Variants in RANGAP1 observed in about 807,000 individuals in gnomAD.
The protein encoded by RANGAP1 is Ran GTPase activating protein 1.
In RANGAP1, 38 loss-of-function variants were observed where a neutral mutation model predicts 63.5. That is an observed-to-expected ratio of 0.60 (90% CI 0.46 to 0.78). The LOEUF is 0.78. Among genes scored for constraint, RANGAP1 ranks in the 30% least tolerant of loss-of-function variants. The pLI is 0.00. For synonymous variants in RANGAP1, 329 were observed against 310.5 expected (o/e 1.06, Z -0.63); for missense variants, 630 against 740.3 (o/e 0.85, Z 1.73).
At chr22:41,276,651 A>G (rs1378491420) in intron 2 of RANGAP1, among the ~76,000 whole-genome samples, 1 of 151,778 alleles carries the variant, frequency 6.6e-6, no homozygotes, top group Non-Finnish European at 1.5e-5. Flanking sequence ...AAAAACAAAC[A>G]AAACAAAATG....
intron 5 of RANGAP1, among the ~76,000 whole-genome samples, chr22:41,264,048 G>A (rs1051473847): frequency 1.3e-5 from 2 of 152,222 alleles, no homozygotes; most frequent in South Asian, 2.1e-4. Flanking sequence ...TCTCCCTTTG[G>A]TTAGAAAGTG....
In RANGAP1 at chr22:41,264,758, A is replaced by G. The variant is rs752274521; in HGVS notation, c.386T>C (p.Val129Ala). The G allele has an allele frequency of 2.5e-6, 4 of 1,614,122 alleles. No individual in the cohort carries two copies. The South Asian group carries it at 4.4e-5, about 18-fold the overall frequency. ...LSDNAFGPDG[V>A]QGFEALLKSS... ...CTTGAGCAGGGCCTCGAAGCCTTGC[A>G]CACCGTCGGGCCCGAATGCGTTGTC... Residue 129 changes from valine (V) to alanine (A), a missense_variant, in exon 5 of 16, where the codon GTG (valine) becomes GCG (alanine). Physicochemically the swap from Val to Ala is moderately conservative, Grantham distance 64. Coordinates refer to ENST00000356244, the MANE Select transcript of RANGAP1 (RefSeq NM_002883.4).
At chr22:41,253,242 C>T (rs1293425953) in intron 11 of RANGAP1, among the ~76,000 whole-genome samples, 1 of 152,150 alleles carries the variant, frequency 6.6e-6, no homozygotes, top group African/African-American at 2.4e-5. Flanking sequence ...ACTCAAAAAA[C>T]CTGCTACGGC....
intron 4 of RANGAP1, among the ~76,000 whole-genome samples, chr22:41,265,279 T>C (rs549715839): frequency 3.5e-4 from 54 of 152,248 alleles, no homozygotes; most frequent in African/African-American, 1.2e-3. Context: ...GGCAAGAGCC[T>C]TGAATGCCAG....
rs1438316675 is a variant in RANGAP1, at chr22:41,264,855, G to A, written c.301-12C>T. 6 of 1,588,082 alleles carry A rather than the reference G, an allele frequency of 3.8e-6. No homozygotes were observed. Among genetic ancestry groups the A allele is most frequent in the Non-Finnish European group, 4.3e-6 (5 of 1,159,292 alleles). On this transcript the variant is annotated splice_polypyrimidine_tract_variant and intron_variant, in intron 4 of 15. Coordinates refer to ENST00000356244, the MANE Select transcript of RANGAP1 (RefSeq NM_002883.4). ...TCCCCTAGTGAGATCTGGGCACAGA[G>A]GAAGCTCGTGTCAGTTTCATAGACA...
chr22:41,254,624 T>C (rs915646446), intron 10 of RANGAP1, 130 bp from the exon 11 acceptor site: 20 of 1,483,162 alleles, frequency 1.3e-5, no homozygotes, highest in Non-Finnish European at 1.8e-5. Context: ...TGGGAGCACC[T>C]GCTCCCAGGG....
At chr22:41,262,096 T>C (rs964101425) in intron 5 of RANGAP1, among the ~76,000 whole-genome samples, 4 of 152,220 alleles carry the variant, frequency 2.6e-5, no homozygotes, top group Non-Finnish European at 5.9e-5. Context: ...GGGAGCCAGC[T>C]GCCAAGTCCA....
intron 11 of RANGAP1, 33 bp downstream of exon 11, chr22:41,254,275 G>T: frequency 6.2e-7 from 1 of 1,613,378 alleles, no homozygotes; most frequent in Non-Finnish European, 8.5e-7. Context: ...CTCAGGACCA[G>T]GGCTCTGATT....
chr22:41,289,920 G>A (rs2035818352), upstream of RANGAP1, among the ~76,000 whole-genome samples: 1 of 152,174 alleles, frequency 6.6e-6, no homozygotes, highest in Non-Finnish European at 1.5e-5. Flanking sequence ...GCCAAGGCAG[G>A]AAGATTGCTA....
At chr22:41,271,827 G>C (rs941512871) in intron 3 of RANGAP1, among the ~76,000 whole-genome samples, 17 of 152,204 alleles carry the variant, frequency 1.1e-4, no homozygotes, top group African/African-American at 4.1e-4. Context: ...CAGCAGCAGA[G>C]AGAACCCCTC....
chr22:41,251,357 G>A (rs964850932), intron 12 of RANGAP1, among the ~76,000 whole-genome samples: 12 of 152,194 alleles, frequency 7.9e-5, no homozygotes, highest in African/African-American at 2.7e-4. Flanking sequence ...CGGGTGTGGC[G>A]GCTCATGCCT....
At position 41,256,672 on chromosome 22, in the gene RANGAP1, A is replaced by T. The variant is rs2033856737; in HGVS notation, c.888+39T>A. The T allele has an allele frequency of 3.2e-6, 5 of 1,577,452 alleles. No homozygotes were observed. In the Admixed American group the frequency reaches 8.4e-5, roughly 26 times the overall value. On this transcript the variant is annotated intron_variant, in intron 8 of 15. Coordinates refer to ENST00000356244, the MANE Select transcript of RANGAP1 (RefSeq NM_002883.4). ...TGCCCCCAGCCGCCCCACCACCCACAGACCCCAGAGGGAGGACGTCAGGCG... is the reference window on the plus strand; with the variant it reads ...TGCCCCCAGCCGCCCCACCACCCACTGACCCCAGAGGGAGGACGTCAGGCG...
intron 1 of RANGAP1, chr22:41,285,685 G>C (rs567810926): frequency 1.0e-6 from 1 of 985,144 alleles, no homozygotes; most frequent in South Asian, 4.7e-5. Context: ...AATCCCCGGC[G>C]GACTCGCACC....
chr22:41,294,781 G>A, the RANGAP1 span, among the ~76,000 whole-genome samples: 6 of 116,930 alleles, frequency 5.1e-5, no homozygotes, highest in African/African-American at 1.0e-4. Flanking sequence ...CCCGGCAGCC[G>A]CCCCGTCTGA....
the RANGAP1 span, among the ~76,000 whole-genome samples, chr22:41,302,114 CCT>C: frequency 5.3e-5 from 8 of 152,026 alleles, no homozygotes; most frequent in Admixed American, 1.3e-4. This position sits in a 1 kb window ranked among gnomAD's most constrained non-coding sequence, Gnocchi z 5.7. Flanking sequence ...TTTCGTGGGG[CCT>C]CTCTCTTCGG....
intron 5 of RANGAP1, among the ~76,000 whole-genome samples, chr22:41,262,624 C>T (rs538840981): frequency 6.6e-6 from 1 of 152,328 alleles, no homozygotes; most frequent in East Asian, 1.9e-4. Context: ...GAGCCAGCAC[C>T]TGCCTGACTC....
chr22:41,254,604 C>T (rs1270124981), intron 10 of RANGAP1, 110 bp from the exon 11 acceptor site: 1 of 1,484,458 alleles, frequency 6.7e-7, no homozygotes, highest in East Asian at 2.4e-5. Context: ...AGGGAGAGAG[C>T]CTGGTGGGGT....
chr22:41,280,892 C>A, intron 2 of RANGAP1, 41 bp downstream of exon 2: 2 of 1,612,494 alleles, frequency 1.2e-6, no homozygotes, highest in South Asian at 1.1e-5. Context: ...CACTCCCTCT[C>A]CTCCCCTGGA....
chr22:41,271,909 T>C (rs994389622), intron 3 of RANGAP1, among the ~76,000 whole-genome samples: 1 of 152,196 alleles, frequency 6.6e-6, no homozygotes, highest in Admixed American at 6.5e-5. Context: ...CCTGGGCTGC[T>C]TCCTGCACAG....
Sources: gnomAD v4.1 joint callset for allele counts (sites outside exome capture counted in the v4.1 genomes callset) on GRCh38, gnomAD v4.1.1 for gene constraint, Gnocchi (gnomAD v3.1) non-coding constraint, MANE v1.5 for transcripts, NCBI Gene and HGNC (gene_info 2026-07-23, HGNC 2026-07-21) for gene names.